COA8: variants seen among roughly 807,000 people sequenced by gnomAD.
The protein encoded by COA8 is cytochrome c oxidase assembly factor 8.
In COA8, 20 loss-of-function variants were observed where a neutral mutation model predicts 22.0. That is an observed-to-expected ratio of 0.91 (90% confidence interval 0.64 to 1.32). The LOEUF (loss-of-function observed/expected upper bound fraction) is 1.32. Among genes scored for constraint, COA8 ranks in the 40% most tolerant of loss-of-function variants. The pLI is 0.00. For synonymous variants in COA8, 105 were observed against 79.9 expected (o/e 1.31, Z -1.68); for missense variants, 266 against 230.0 (o/e 1.16, Z -1.01).
In COA8 at chr14:103,582,494, G is replaced by T. The variant is rs966172566; in HGVS notation, c.386-4780G>T. Among the ~76,000 whole-genome samples, 3 of 152,200 alleles carry T rather than the reference G, an allele frequency of 2.0e-5. No individual in the cohort carries two copies. The East Asian group carries it at 5.8e-4, about 29-fold the overall frequency. ...CAGCACGCGGGGCTGGAGTAGTCAGGCCGGGACCTGTCCCAGGAATGGGCA... is the reference window on the plus strand; with the variant it reads ...CAGCACGCGGGGCTGGAGTAGTCAGTCCGGGACCTGTCCCAGGAATGGGCA... On this transcript the variant is annotated intron_variant, in intron 3 of 4. Coordinates refer to ENST00000409074, the MANE Select transcript of COA8 (RefSeq NM_001370595.2).
intron 1 of COA8, among the ~76,000 whole-genome samples, chr14:103,566,326 G>A (rs531112166): frequency 7.9e-5 from 12 of 152,166 alleles, no homozygotes; most frequent in Non-Finnish European, 1.5e-4. Context: ...AGGCTGAGGC[G>A]GGAGAATCGC....
intron 4 of COA8, among the ~76,000 whole-genome samples, chr14:103,588,574 T>G (rs1160000028): frequency 1.3e-5 from 2 of 152,024 alleles, no homozygotes; most frequent in East Asian, 3.9e-4. Flanking sequence ...CCAGGCACGG[T>G]AGCTCACACC....
At chr14:103,569,780 TTC>T (rs1362479389) in intron 1 of COA8, among the ~76,000 whole-genome samples, 1 of 152,270 alleles carries the variant, frequency 6.6e-6, no homozygotes, top group African/African-American at 2.4e-5. Flanking sequence ...CATGAACATT[TTC>T]TGAGTCCTTT....
At chr14:103,574,684 C>T (rs1394656057) in intron 3 of COA8, 2 of 323,902 alleles carry the variant, frequency 6.2e-6, no homozygotes, top group South Asian at 2.5e-5. Context: ...AATCCTTTGC[C>T]TCACCTGATT....
At chr14:103,584,860 C>A (rs2076293679) in intron 3 of COA8, among the ~76,000 whole-genome samples, 1 of 152,174 alleles carries the variant, frequency 6.6e-6, no homozygotes, top group Non-Finnish European at 1.5e-5. Context: ...GATGATTTGG[C>A]CAGGTGCAGT....
At chr14:103,570,589 C>T (rs1218896562) in intron 1 of COA8, among the ~76,000 whole-genome samples, 2 of 152,016 alleles carry the variant, frequency 1.3e-5, no homozygotes, top group African/African-American at 2.4e-5. Context: ...AAAAATTAGC[C>T]GGGCGTGGTG....
rs796712652 is a variant in COA8 at position 103,575,968 on chromosome 14, G to A, written c.385+1798G>A. On this transcript the variant is annotated intron_variant, in intron 3 of 4. Transcript: ENST00000409074. ...TCCACTCACCTCATCCTCCCAAAGTGCTGGGATTACAGGCGTGAGCCACTG... is the reference window on the plus strand; with the variant it reads ...TCCACTCACCTCATCCTCCCAAAGTACTGGGATTACAGGCGTGAGCCACTG... Among the ~76,000 whole-genome samples, 21 of 152,062 alleles carry A rather than the reference G, an allele frequency of 1.4e-4. 1 individual carries two copies. The highest frequency in any genetic ancestry group is 5.1e-4 in the African/African-American group (21 of 41,562).
At chr14:103,585,870 G>A (rs1042081412) in intron 3 of COA8, among the ~76,000 whole-genome samples, 8 of 151,098 alleles carry the variant, frequency 5.3e-5, no homozygotes, top group Admixed American at 2.0e-4. Flanking sequence ...CACCATGCCC[G>A]GCCCGGCCCT....
chr14:103,571,996 G>A (rs559502938), intron 2 of COA8, among the ~76,000 whole-genome samples, 176 bp downstream of exon 2: 30 of 152,166 alleles, frequency 2.0e-4, no homozygotes, highest in South Asian at 1.0e-3. Flanking sequence ...GCGTGGTGGC[G>A]GGCGCCTGTA....
rs751821020 is a variant in COA8 at position 103,563,134 on chromosome 14, G to A, written c.123+10G>A. The A allele has an allele frequency of 2.0e-4, 302 of 1,541,426 alleles. 1 individual carries two copies. The highest frequency in any genetic ancestry group is 1.4e-4 in the Admixed American group (7 of 51,578). ...TACGGCGCCCAGCGGGGTAAGCAGGGGCCTGGGGACATTGGGCCGGGAGGG... is the reference window on the plus strand; with the variant it reads ...TACGGCGCCCAGCGGGGTAAGCAGGAGCCTGGGGACATTGGGCCGGGAGGG... On this transcript the variant is annotated intron_variant, in intron 1 of 4. Transcript: ENST00000409074.
In COA8 at chr14:103,587,415, T is replaced by C. The variant is rs149706370; in HGVS notation, c.476+51T>C. 986 of 1,289,936 alleles carry C rather than the reference T, an allele frequency of 7.6e-4. 1 individual carries two copies. The highest frequency in any genetic ancestry group is 1.0e-3 in the Non-Finnish European group (924 of 909,686). 79.9% of individuals were successfully genotyped at this position (1,289,936 alleles called of 1,614,324 possible). On this transcript the variant is annotated intron_variant, in intron 4 of 4. Coordinates refer to ENST00000409074, the MANE Select transcript of COA8 (RefSeq NM_001370595.2). ...ATTTGAATAGCACATCCAGATTAGG[T>C]AGGAGTGTTTTCTTACCTGAATTTA...
Position 103,590,320 on chromosome 14 carries a change from C to G in COA8, c.*34C>G. On this transcript the variant is annotated 3_prime_UTR_variant, in exon 5 of 5. Transcript: ENST00000409074. ...TCTGACCCAGCCAGAGTCCAGGTTT[C>G]CACAGGAAGCAGATGGAGCTCCTTT... 6.4e-7 allele frequency: 1 copy of G among 1,571,160 alleles called. No individual in the cohort carries two copies. The highest frequency in any genetic ancestry group is 8.7e-7 in the Non-Finnish European group (1 of 1,146,130).
Position 103,590,284 on chromosome 14 carries a change from T to C in COA8, c.580T>C (p.Ter194GlnextTer49), listed in dbSNP as rs762037970. 6.2e-7 allele frequency: 1 copy of C among 1,613,358 alleles called. No individual in the cohort carries two copies. Among genetic ancestry groups the C allele is most frequent in the African/African-American group, 1.3e-5 (1 of 74,926 alleles). The change falls in exon 5 of 5, where the codon TAG becomes CAG. Residue 194 changes from the stop codon to glutamine (Q), a stop_lost. Coordinates refer to ENST00000409074, the MANE Select transcript of COA8 (RefSeq NM_001370595.2). ...LKQKQKKRSN[*>Q] ...ACAGAAACAAAAGAAGAGGAGCAAC[T>C]AGGAGTCCACTCTGACCCAGCCAGA...
intron 3 of COA8, among the ~76,000 whole-genome samples, chr14:103,582,093 G>A (rs1393168460): frequency 1.3e-5 from 2 of 152,208 alleles, no homozygotes; most frequent in Non-Finnish European, 2.9e-5. Context: ...GGAGCTGAGC[G>A]TGGCCTCCGC....
intron 3 of COA8, among the ~76,000 whole-genome samples, chr14:103,586,821 G>A (rs965656528): frequency 8.6e-5 from 13 of 151,738 alleles, no homozygotes; most frequent in South Asian, 2.1e-4. Context: ...CACCTGCCTC[G>A]GCCTCCCAAA....
chr14:103,590,277 G>A lies in COA8; in HGVS notation c.573G>A (p.Arg191=). The A allele has an allele frequency of 6.2e-7, 1 of 1,613,780 alleles. No homozygotes were observed. Among genetic ancestry groups the A allele is most frequent in the Non-Finnish European group, 8.5e-7 (1 of 1,179,758 alleles). The change falls in exon 5 of 5, where the codon AGG becomes AGA. Residue 191 remains arginine, a synonymous_variant. Transcript: ENST00000409074. ...AGCTTAAACAGAAACAAAAGAAGAG[G>A]AGCAACTAGGAGTCCACTCTGACCC... ...WNKLKQKQKK[R]SN
intron 3 of COA8, among the ~76,000 whole-genome samples, chr14:103,585,834 A>G (rs1595149795): frequency 6.6e-6 from 1 of 151,470 alleles, no homozygotes; most frequent in Non-Finnish European, 1.5e-5. Flanking sequence ...TCGGCCTCCC[A>G]AAGTGCTGGG....
chr14:103,588,451 A>G (rs930029903), intron 4 of COA8, among the ~76,000 whole-genome samples: 1 of 147,934 alleles, frequency 6.8e-6, no homozygotes, highest in African/African-American at 2.5e-5. Flanking sequence ...CTGTCTCAAT[A>G]AATAAATAAA....
intron 3 of COA8, 88 bp downstream of exon 3, chr14:103,574,258 G>A (rs2076214124): frequency 3.8e-6 from 6 of 1,581,200 alleles, no homozygotes; most frequent in African/African-American, 1.3e-5. Context: ...TGAGAGAGGT[G>A]GGGAAGTTCA....
Sources: gnomAD v4.1 joint callset for allele counts (sites outside exome capture counted in the v4.1 genomes callset) on GRCh38, gnomAD v4.1.1 for gene constraint, MANE v1.5 for transcripts, NCBI Gene and HGNC (gene_info 2026-07-23, HGNC 2026-07-21) for gene names.